Variants in DCAF1 observed in about 807,000 individuals in gnomAD.
DCAF1 encodes DDB1- and CUL4-associated factor 1.
DCAF1 carries 15 observed loss-of-function variants against 128.0 expected under a neutral mutation model. The observed-to-expected ratio is 0.12, with a 90% CI of 0.08 to 0.18. The LOEUF (loss-of-function observed/expected upper bound fraction) is 0.18. Ranked by LOEUF, DCAF1 falls within the 10% of genes least tolerant of loss-of-function variation. The probability of loss-of-function intolerance (pLI) is 1.00; values close to 1 mark genes in which losing one functional copy is unlikely to be tolerated. For synonymous variants in DCAF1, 610 were observed against 603.0 expected, an observed-to-expected ratio of 1.01 and a Z score of -0.17; for missense variants, 988 against 1,649.5, an observed-to-expected ratio of 0.60 and a Z score of 6.95.
At position 51,420,503 on chromosome 3, in the gene DCAF1, T is replaced by C. The variant is rs1553632176; in HGVS notation, c.2467A>G (p.Ile823Val). ...CGTGCTAGGGAAACATCAGTGCCAA[T>C]GAGAAGTGGTTTTCCTGACACCCGT... ...IERVSGKPLL[I>V]GTDVSLARLQ... The change falls in exon 15 of 25, where the codon ATT (isoleucine) becomes GTT (valine). Residue 823 changes from isoleucine (I) to valine (V), a missense_variant. By Grantham distance (29) the Ile-to-Val change is conservative. Around this residue, in one of 11 missense-constraint regions of DCAF1, gnomAD observed 76 missense variants for 186.9 expected, o/e 0.41. Transcript: ENST00000684031. This position sits in a 1 kb window ranked among gnomAD's most constrained non-coding sequence, Gnocchi z 6.5. 5 of 1,613,848 alleles carry C rather than the reference T, an allele frequency of 3.1e-6. No individual in the cohort carries two copies. The highest frequency in any genetic ancestry group is 1.7e-5 in the Admixed American group (1 of 60,012).
At chr3:51,404,147 AG>A (rs1186778037) in intron 23 of DCAF1, among the ~76,000 whole-genome samples, 15 of 152,226 alleles carry the variant, frequency 9.9e-5, no homozygotes, top group African/African-American at 3.4e-4. Context: ...GGTTTGCATT[AG>A]AATCCCAACT....
chr3:51,416,684 T>G (rs1213865587), intron 18 of DCAF1, 103 bp downstream of exon 18: 2 of 1,487,520 alleles, frequency 1.3e-6, no homozygotes, highest in African/African-American at 2.8e-5. Flanking sequence ...ATCACTGATT[T>G]CTAGTTGCCC....
At chr3:51,438,559 G>A (rs535412255) in intron 9 of DCAF1, among the ~76,000 whole-genome samples, 1 of 152,174 alleles carries the variant, frequency 6.6e-6, no homozygotes, top group Non-Finnish European at 1.5e-5. Flanking sequence ...AGATTAGAAT[G>A]AAGCACAAAA....
At chr3:51,476,064 T>A (rs1439187565) in intron 3 of DCAF1, among the ~76,000 whole-genome samples, 1 of 151,992 alleles carries the variant, frequency 6.6e-6, no homozygotes, top group South Asian at 2.1e-4. Flanking sequence ...ATTGTGGGGT[T>A]TTTTTCTTCT....
chr3:51,496,534 G>A (rs1553661034), intron 2 of DCAF1, among the ~76,000 whole-genome samples, 200 bp downstream of exon 2: 2 of 151,844 alleles, frequency 1.3e-5, no homozygotes, highest in East Asian at 1.9e-4. Context: ...TGGTGACACG[G>A]TAGTTACCAA....
intron 6 of DCAF1, among the ~76,000 whole-genome samples, chr3:51,450,788 TCC>T (rs1702266597): frequency 6.6e-6 from 1 of 152,132 alleles, no homozygotes; most frequent in South Asian, 2.1e-4. Context: ...GGTCAAGGTG[TCC>T]ACTTTTGCCA....
chr3:51,431,551 A>C (rs1700384541), intron 10 of DCAF1, among the ~76,000 whole-genome samples: 1 of 151,806 alleles, frequency 6.6e-6, no homozygotes, highest in Non-Finnish European at 1.5e-5. Flanking sequence ...TTATATATGA[A>C]AGAGTCTTAA....
At chr3:51,467,569 A>T (rs1424490490) in intron 4 of DCAF1, among the ~76,000 whole-genome samples, 1 of 152,182 alleles carries the variant, frequency 6.6e-6, no homozygotes, top group Non-Finnish European at 1.5e-5. Flanking sequence ...TAATGGGTGC[A>T]GCACACCAAC....
intron 6 of DCAF1, among the ~76,000 whole-genome samples, chr3:51,460,141 T>G (rs1447120551): frequency 2.6e-5 from 4 of 152,178 alleles, no homozygotes; most frequent in Non-Finnish European, 4.4e-5. Context: ...ATGACATGAT[T>G]GTATATCTAG....
chr3:51,492,049 G>A (rs555094146), intron 2 of DCAF1, among the ~76,000 whole-genome samples: 3 of 151,022 alleles, frequency 2.0e-5, no homozygotes, highest in South Asian at 2.1e-4. Context: ...CCAGCTACTC[G>A]GGGGGGCTGA....
intron 2 of DCAF1, among the ~76,000 whole-genome samples, chr3:51,490,344 T>C (rs1160434475): frequency 2.0e-5 from 3 of 152,038 alleles, no homozygotes; most frequent in Non-Finnish European, 4.4e-5. Flanking sequence ...GGTGGGAGAA[T>C]CACCTGAGCC....
At chr3:51,503,378 C>A (rs1186077332), upstream of DCAF1, among the ~76,000 whole-genome samples, 1 of 152,186 alleles carries the variant, frequency 6.6e-6, no homozygotes, top group Non-Finnish European at 1.5e-5. Context: ...CTCCTTCATT[C>A]TCCTCCTTCT....
chr3:51,488,791 A>C (rs1477065298), intron 2 of DCAF1, among the ~76,000 whole-genome samples: 1 of 151,954 alleles, frequency 6.6e-6, no homozygotes, highest in Non-Finnish European at 1.5e-5. Flanking sequence ...TGACAGAGCA[A>C]AACTCCGTCT....
At position 51,433,201 on chromosome 3, in the gene DCAF1, G is replaced by C. The variant is rs1700535302; in HGVS notation, c.1192C>G (p.Gln398Glu). The part of the protein sequence containing the change: ...ATEFVAHGGV[Q>E]KLLEIPRPSM... ...GGACGAGGTATTTCCAGTAATTTCTGTACTCCACCATGCGCAACAAATTCT... is the reference window on the plus strand; with the variant it reads ...GGACGAGGTATTTCCAGTAATTTCTCTACTCCACCATGCGCAACAAATTCT... The change falls in exon 10 of 25, where the codon CAG becomes GAG. Residue 398 changes from glutamine to glutamate, a missense_variant. Gln to Glu is a conservative substitution (Grantham distance 29). Around this residue, in one of 11 missense-constraint regions of DCAF1, gnomAD observed 185 missense variants for 248.1 expected, o/e 0.75. Coordinates refer to ENST00000684031, the MANE Select transcript of DCAF1 (RefSeq NM_001387579.1). 2.5e-6 allele frequency: 1 copy of C among 398,358 alleles called. No homozygotes were observed. The highest frequency in any genetic ancestry group is 4.4e-5 in the Admixed American group (1 of 22,692). 24.7% of individuals were successfully genotyped at this position (398,358 alleles called of 1,614,324 possible).
In DCAF1 at chr3:51,418,658, T is replaced by C. The variant is rs782598056; in HGVS notation, c.3435+20A>G. On this transcript the variant is annotated intron_variant, in intron 16 of 24. Coordinates refer to ENST00000684031, the MANE Select transcript of DCAF1 (RefSeq NM_001387579.1). ...CATCTTGGAAGAATGACTGAGAGCATCCTAGGAAGGAACCCTTACCCTGGA... is the reference window on the plus strand; with the variant it reads ...CATCTTGGAAGAATGACTGAGAGCACCCTAGGAAGGAACCCTTACCCTGGA... The C allele has an allele frequency of 4.4e-6, 7 of 1,597,972 alleles. No individual in the cohort carries two copies. Among genetic ancestry groups the C allele is most frequent in the Non-Finnish European group, 6.0e-6 (7 of 1,171,980 alleles).
chr3:51,461,927 G>A (rs1305099473), intron 6 of DCAF1, among the ~76,000 whole-genome samples: 4 of 152,060 alleles, frequency 2.6e-5, no homozygotes, highest in Admixed American at 1.3e-4. Context: ...TGGGGGAAGC[G>A]GGAAGGGATA....
At chr3:51,477,032 A>C (rs1553650833) in intron 3 of DCAF1, among the ~76,000 whole-genome samples, 1 of 151,778 alleles carries the variant, frequency 6.6e-6, no homozygotes, top group African/African-American at 2.4e-5. Context: ...TGCAGAGCCG[A>C]GATCACACCA....
At chr3:51,496,428 A>G (rs1469222876) in intron 2 of DCAF1, among the ~76,000 whole-genome samples, 2 of 152,122 alleles carry the variant, frequency 1.3e-5, no homozygotes, top group Non-Finnish European at 2.9e-5. Flanking sequence ...GAAAACAGTC[A>G]TCTTCACCTT....
intron 2 of DCAF1, among the ~76,000 whole-genome samples, chr3:51,484,447 T>C (rs1706670497): frequency 6.6e-6 from 1 of 151,900 alleles, no homozygotes; most frequent in Admixed American, 6.6e-5. Context: ...CACTCCAGCT[T>C]GGGCGACAGA....
Sources: allele counts gnomAD v4.1 joint callset (sites outside exome capture counted in the v4.1 genomes callset), GRCh38; gene constraint gnomAD v4.1.1; regional missense constraint gnomAD v4.1.1; non-coding constraint Gnocchi (gnomAD v3.1); transcripts MANE v1.5; gene names NCBI Gene and HGNC (gene_info 2026-07-23, HGNC 2026-07-21).